Variants in POLN observed in about 807,000 individuals in gnomAD.
The protein encoded by POLN is DNA polymerase nu.
A neutral mutation model predicts 113.5 loss-of-function variants in POLN; 108 were observed. The ratio of observed to expected loss-of-function variants is 0.95; its 90% CI spans 0.81 to 1.12. POLN has a LOEUF of 1.12. Ranked by LOEUF, POLN falls within the 50% of genes most tolerant of loss-of-function variation. The probability of loss-of-function intolerance (pLI) is 0.00; values close to 1 mark genes in which losing one functional copy is unlikely to be tolerated. For missense variants in POLN, 1,097 were observed against 1,077.1 expected, an observed-to-expected ratio of 1.02 and a Z score of -0.26; for synonymous variants, 386 against 391.5, an observed-to-expected ratio of 0.99 and a Z score of 0.17.
intron 3 of POLN, among the ~76,000 whole-genome samples, chr4:2,226,301 G>A (rs1461193160): frequency 6.6e-6 from 1 of 152,224 alleles, no homozygotes; most frequent in Admixed American, 6.5e-5. Context: ...ACAAGACTGA[G>A]CCATGTAGTG....
intron 4 of POLN, 127 bp from the exon 5 acceptor site, chr4:2,208,614 C>T (rs1733916875): frequency 4.0e-6 from 3 of 747,762 alleles, no homozygotes; most frequent in East Asian, 5.9e-5. Flanking sequence ...TACCTATGAT[C>T]AAACCTTCTA....
In POLN at chr4:2,130,115, C is replaced by T. The variant is rs543798956; in HGVS notation, c.1790-859G>A. ...CTAAAAATACAAAAAATTAGCTGGC[C>T]GTAATGGTGCATGCCTGTAATCCCA... is the stretch of plus-strand genomic sequence containing the variant. On this transcript the variant is annotated intron_variant, in intron 17 of 25. Transcript: ENST00000511885. Among the ~76,000 whole-genome samples, 7 of 151,834 alleles carry T rather than the reference C, an allele frequency of 4.6e-5. 1 individual carries two copies. The highest frequency in any genetic ancestry group is 7.2e-5 in the African/African-American group (3 of 41,380).
At chr4:2,096,297 G>C (rs553327401) in intron 19 of POLN, among the ~76,000 whole-genome samples, 1 of 152,204 alleles carries the variant, frequency 6.6e-6, no homozygotes, top group East Asian at 1.9e-4. Context: ...CTGCTGCAGT[G>C]GGGGAGCTGG....
At chr4:2,131,120 G>A (rs952642892) in intron 17 of POLN, 113 bp downstream of exon 17, 3 of 717,880 alleles carry the variant, frequency 4.2e-6, no homozygotes, top group Admixed American at 5.1e-5. Flanking sequence ...AGGAGGTCAA[G>A]GCTGCAGTGA....
chr4:2,217,806 C>T (rs1321157859), intron 3 of POLN, among the ~76,000 whole-genome samples: 1 of 152,284 alleles, frequency 6.6e-6, no homozygotes, highest in East Asian at 1.9e-4. Flanking sequence ...GTAGCTGAGC[C>T]ACTTGCTTCA....
intron 4 of POLN, among the ~76,000 whole-genome samples, chr4:2,209,252 C>G (rs1733930449): frequency 6.6e-6 from 1 of 152,064 alleles, no homozygotes; most frequent in Admixed American, 6.6e-5. Context: ...GAGGCTGAGG[C>G]TGGCGGATCA....
chr4:2,222,909 T>C (rs1734296338), intron 3 of POLN, among the ~76,000 whole-genome samples: 1 of 152,122 alleles, frequency 6.6e-6, no homozygotes, highest in African/African-American at 2.4e-5. Context: ...TGTGATGAGG[T>C]CATCAGTGCC....
At chr4:2,133,802 T>TG (rs1731786328) in intron 16 of POLN, among the ~76,000 whole-genome samples, 1 of 152,210 alleles carries the variant, frequency 6.6e-6, no homozygotes, top group Non-Finnish European at 1.5e-5. Context: ...TATAATTAGA[T>TG]GGACATGTCA....
chr4:2,160,690 T>C (rs1051299449), intron 13 of POLN, among the ~76,000 whole-genome samples: 4 of 152,228 alleles, frequency 2.6e-5, no homozygotes, highest in African/African-American at 9.6e-5. Flanking sequence ...ATTACAAGCA[T>C]GAGCCACAGT....
chr4:2,185,137 A>C (rs1733239203), intron 7 of POLN, among the ~76,000 whole-genome samples: 1 of 152,236 alleles, frequency 6.6e-6, no homozygotes, highest in South Asian at 2.1e-4. Context: ...AATGACAAGC[A>C]GTAGCTTCTA....
intron 19 of POLN, among the ~76,000 whole-genome samples, chr4:2,121,463 A>C (rs1477035534): frequency 6.7e-6 from 1 of 149,150 alleles, no homozygotes; most frequent in Non-Finnish European, 1.5e-5. Context: ...ATATATATAT[A>C]TATCCAGGGA....
At chr4:2,240,249 G>A (rs1273720590) in intron 2 of POLN, 1 of 1,613,296 alleles carries the variant, frequency 6.2e-7, no homozygotes, top group African/African-American at 1.3e-5. Context: ...GTCTTCATTT[G>A]AACTTTCAAC....
chr4:2,120,408 T>C (rs1198104992), intron 19 of POLN, among the ~76,000 whole-genome samples: 2 of 151,654 alleles, frequency 1.3e-5, no homozygotes, highest in Admixed American at 1.3e-4. Context: ...AATTCTTTGA[T>C]TCCTTTCATC....
intron 20 of POLN, 47 bp from the exon 21 acceptor site, chr4:2,085,791 T>A: frequency 6.2e-7 from 1 of 1,608,090 alleles, no homozygotes; most frequent in South Asian, 1.1e-5. Flanking sequence ...ACACCAGCCG[T>A]GACTGTGTGC....
At chr4:2,119,301 G>A (rs1408271002) in intron 19 of POLN, among the ~76,000 whole-genome samples, 1 of 152,202 alleles carries the variant, frequency 6.6e-6, no homozygotes, top group African/African-American at 2.4e-5. Flanking sequence ...AAACTTTTAG[G>A]AATTCACCTA....
At chr4:2,161,513 G>T (rs1036583022) in intron 13 of POLN, among the ~76,000 whole-genome samples, 2 of 152,182 alleles carry the variant, frequency 1.3e-5, no homozygotes, top group African/African-American at 4.8e-5. Flanking sequence ...TCAGGGTAGG[G>T]CTCGGGACCT....
At chr4:2,185,723 G>A (rs1029094534) in intron 7 of POLN, among the ~76,000 whole-genome samples, 1 of 134,574 alleles carries the variant, frequency 7.4e-6, no homozygotes. Flanking sequence ...TCTAGCCTGA[G>A]TGACAGAGCG....
intron 19 of POLN, among the ~76,000 whole-genome samples, chr4:2,117,088 T>A (rs986071479): frequency 3.9e-5 from 6 of 152,234 alleles, no homozygotes; most frequent in Non-Finnish European, 8.8e-5. Context: ...CCACTGCAGC[T>A]CTGTTCCATG....
At chr4:2,173,126 G>C (rs1447482933) in intron 11 of POLN, among the ~76,000 whole-genome samples, 1 of 152,170 alleles carries the variant, frequency 6.6e-6, no homozygotes, top group Non-Finnish European at 1.5e-5. Flanking sequence ...CGATGAAAAG[G>C]CTACAAAAGT....
Sources: allele counts gnomAD v4.1 joint callset (sites outside exome capture counted in the v4.1 genomes callset), GRCh38; gene constraint gnomAD v4.1.1; transcripts MANE v1.5; gene names NCBI Gene and HGNC (gene_info 2026-07-23, HGNC 2026-07-21).